PTPRT: variants seen among roughly 807,000 people sequenced by gnomAD.
PTPRT encodes receptor-type tyrosine-protein phosphatase T.
Under a neutral mutation model 176.8 loss-of-function variants are expected in PTPRT, and 56 were observed. The ratio of observed to expected loss-of-function variants is 0.32; its 90% CI spans 0.26 to 0.40. The LOEUF (loss-of-function observed/expected upper bound fraction) is 0.40. Ranked by LOEUF, PTPRT falls within the 10% of genes least tolerant of loss-of-function variation. The pLI is 1.00. For missense variants in PTPRT, 1,540 were observed against 1,908.2 expected, an observed-to-expected ratio of 0.81 and a Z score of 3.60; for synonymous variants, 783 against 739.0, an observed-to-expected ratio of 1.06 and a Z score of -0.96.
chr20:42,472,923 C>T (rs868312268), intron 7 of PTPRT, among the ~76,000 whole-genome samples: 11 of 152,138 alleles, frequency 7.2e-5, no homozygotes, highest in African/African-American at 2.4e-4. Context: ...TTCTGGGATA[C>T]GCTTATTTAG....
chr20:42,062,814 TCTC>T, the PTPRT span, among the ~76,000 whole-genome samples: 3 of 152,092 alleles, frequency 2.0e-5, no homozygotes, highest in African/African-American at 4.8e-5. Context: ...AAACCTAAAA[TCTC>T]CTTGTCCTGC....
intron 14 of PTPRT, among the ~76,000 whole-genome samples, chr20:42,238,910 G>C (rs959150200): frequency 6.6e-6 from 1 of 151,832 alleles, no homozygotes; most frequent in African/African-American, 2.4e-5. Flanking sequence ...TCAAGCTTGG[G>C]GACAATAATT....
intron 1 of PTPRT, among the ~76,000 whole-genome samples, chr20:43,014,062 C>T (rs1027634012): frequency 6.6e-6 from 1 of 152,140 alleles, no homozygotes; most frequent in Non-Finnish European, 1.5e-5. Context: ...TGGATACATT[C>T]CCTTCCGTCA....
intron 11 of PTPRT, among the ~76,000 whole-genome samples, chr20:42,320,941 A>G (rs2057791740): frequency 6.6e-6 from 1 of 152,174 alleles, no homozygotes; most frequent in Non-Finnish European, 1.5e-5. Flanking sequence ...AGCCATTTAC[A>G]TCAAAGCACA....
rs770982036 is a variant in PTPRT, at chr20:42,350,725, A to T, written c.1768T>A (p.Ser590Thr). Residue 590 changes from serine (S) to threonine (T), a missense_variant, in exon 11 of 31, where the codon TCC becomes ACC. By Grantham distance (58) the Ser-to-Thr change is moderately conservative. Coordinates refer to ENST00000373187, the MANE Select transcript of PTPRT (RefSeq NM_007050.6). ...GTGTCTGTGTCGTACTCAGGCATGGATGGAGCTGGACAGGAAACAGAGAGT... is the reference window on the plus strand; with the variant it reads ...GTGTCTGTGTCGTACTCAGGCATGGTTGGAGCTGGACAGGAAACAGAGAGT... ...TRIATKISAP[S>T]MPEYDTDTPL... The T allele has an allele frequency of 3.7e-6, 6 of 1,609,340 alleles. No individual in the cohort carries two copies. Among genetic ancestry groups the T allele is most frequent in the Admixed American group, 3.3e-5 (2 of 59,992 alleles).
intron 2 of PTPRT, among the ~76,000 whole-genome samples, chr20:42,868,184 T>C (rs1416095978): frequency 1.3e-5 from 2 of 152,328 alleles, no homozygotes; most frequent in Non-Finnish European, 2.9e-5. Context: ...TAAGGGTGTT[T>C]CTGGCAAAGG....
At chr20:42,092,245 T>C (rs1352821634) in intron 27 of PTPRT, among the ~76,000 whole-genome samples, 1 of 152,188 alleles carries the variant, frequency 6.6e-6, no homozygotes, top group East Asian at 1.9e-4. Flanking sequence ...TCATGGGCAT[T>C]GCTGGGATAT....
intron 1 of PTPRT, among the ~76,000 whole-genome samples, chr20:43,145,264 T>G (rs1171901500): frequency 2.0e-5 from 3 of 152,236 alleles, no homozygotes; most frequent in Non-Finnish European, 4.4e-5. Flanking sequence ...TACTTATTTC[T>G]TTATTTATTG....
intron 12 of PTPRT, among the ~76,000 whole-genome samples, chr20:42,309,798 C>G (rs1600815110): frequency 6.6e-6 from 1 of 152,078 alleles, no homozygotes; most frequent in African/African-American, 2.4e-5. Context: ...GATATAGCAG[C>G]TAAAAAAACA....
intron 16 of PTPRT, among the ~76,000 whole-genome samples, chr20:42,189,772 C>A (rs1230780767): frequency 1.3e-5 from 2 of 152,198 alleles, no homozygotes; most frequent in Non-Finnish European, 2.9e-5. Context: ...TGGGAAAACT[C>A]TCTGCAACTC....
chr20:42,696,944 T>A (rs1299983239), intron 6 of PTPRT, among the ~76,000 whole-genome samples: 1 of 152,264 alleles, frequency 6.6e-6, no homozygotes, highest in Non-Finnish European at 1.5e-5. Context: ...TCTTGTGAGA[T>A]AATAAATGTT....
Position 42,557,474 on chromosome 20 carries a change from G to A in PTPRT, c.1154-84912C>T, listed in dbSNP as rs1357820861. Reference sequence around the variant, plus strand: ...ATTCCCCTAGAATCTCCATCCCTCTGCTAATACAAGTAAAACTGACTCATA... The same window carrying A: ...ATTCCCCTAGAATCTCCATCCCTCTACTAATACAAGTAAAACTGACTCATA... On this transcript the variant is annotated intron_variant, in intron 7 of 30. Transcript: ENST00000373187. Among the ~76,000 whole-genome samples the A allele has an allele frequency of 2.0e-5, 3 of 152,046 alleles. 1 individual carries two copies. The highest frequency in any genetic ancestry group is 4.8e-5 in the African/African-American group (2 of 41,404).
intron 7 of PTPRT, among the ~76,000 whole-genome samples, chr20:42,572,537 C>T (rs1214628117): frequency 2.0e-5 from 3 of 152,126 alleles, no homozygotes; most frequent in Non-Finnish European, 4.4e-5. Flanking sequence ...CTTGTTGGCC[C>T]CAACATCTCT....
At chr20:42,747,839 T>A (rs1600693637) in intron 6 of PTPRT, among the ~76,000 whole-genome samples, 1 of 152,184 alleles carries the variant, frequency 6.6e-6, no homozygotes, top group African/African-American at 2.4e-5. Flanking sequence ...ATTCTGAGTG[T>A]GACAGGAAAT....
At chr20:43,098,038 G>A (rs550084480) in intron 1 of PTPRT, among the ~76,000 whole-genome samples, 2 of 152,148 alleles carry the variant, frequency 1.3e-5, no homozygotes, top group East Asian at 1.9e-4. Flanking sequence ...TCCATCCCCC[G>A]AAGCCACGTG....
At chr20:43,007,092 C>G (rs58199388) in intron 1 of PTPRT, among the ~76,000 whole-genome samples, 1 of 151,984 alleles carries the variant, frequency 6.6e-6, no homozygotes, top group African/African-American at 2.4e-5. Context: ...TAGAGAGAGA[C>G]GATCAGAGCT....
intron 1 of PTPRT, among the ~76,000 whole-genome samples, chr20:42,938,816 A>G (rs1980369003): frequency 6.6e-6 from 1 of 152,230 alleles, no homozygotes; most frequent in African/African-American, 2.4e-5. Flanking sequence ...GTCTTAAGAA[A>G]TTACAAATTT....
At chr20:42,198,023 T>TC (rs1359895138) in intron 16 of PTPRT, among the ~76,000 whole-genome samples, 1 of 152,174 alleles carries the variant, frequency 6.6e-6, no homozygotes, top group African/African-American at 2.4e-5. Context: ...GCCCCACCTC[T>TC]CATCCCCCAG....
intron 7 of PTPRT, among the ~76,000 whole-genome samples, chr20:42,619,102 C>A (rs776871120): frequency 9.4e-5 from 14 of 149,108 alleles, no homozygotes; most frequent in African/African-American, 3.5e-4. Flanking sequence ...CCATGTTTAG[C>A]GCTTCCTTCA....
Sources: gnomAD v4.1 joint callset for allele counts (sites outside exome capture counted in the v4.1 genomes callset) on GRCh38, gnomAD v4.1.1 for gene constraint, MANE v1.5 for transcripts, NCBI Gene and HGNC (gene_info 2026-07-23, HGNC 2026-07-21) for gene names.